PALS2: variants seen among roughly 807,000 people sequenced by gnomAD.
PALS2 encodes protein associated with LIN7 2, MAGUK p55 family member, also known as protein PALS2.
Under a neutral mutation model 61.6 loss-of-function variants are expected in PALS2, and 27 were observed. The ratio of observed to expected loss-of-function variants is 0.44; its 90% CI spans 0.32 to 0.60. The LOEUF is 0.60. Among genes scored for constraint, PALS2 ranks in the 20% least tolerant of loss-of-function variants. The pLI is 0.05. For synonymous variants in PALS2, 236 were observed against 218.6 expected (o/e 1.08, Z -0.70); for missense variants, 554 against 639.4 (o/e 0.87, Z 1.44).
At chr7:24,624,125 CT>C in intron 2 of PALS2, 3 of 1,308,472 alleles carry the variant, frequency 2.3e-6, no homozygotes, top group Non-Finnish European at 3.0e-6. Context: ...TGATTTTCTT[CT>C]TTTGCATTAG....
intron 5 of PALS2, among the ~76,000 whole-genome samples, chr7:24,652,559 A>T (rs1477222980): frequency 2.0e-5 from 3 of 152,024 alleles, no homozygotes; most frequent in Non-Finnish European, 4.4e-5. Flanking sequence ...CTATAACATG[A>T]AGGCTTCCAA....
chr7:24,637,894 A>T (rs1224158360), intron 2 of PALS2, among the ~76,000 whole-genome samples: 1 of 152,220 alleles, frequency 6.6e-6, no homozygotes, highest in East Asian at 1.9e-4. Flanking sequence ...TGTTCTTCCA[A>T]CCACTTGTGG....
chr7:24,685,594 A>G (rs925219258), intron 11 of PALS2, among the ~76,000 whole-genome samples: 1 of 151,432 alleles, frequency 6.6e-6, no homozygotes, highest in African/African-American at 2.4e-5. Flanking sequence ...AGCCAGAGAG[A>G]GAATCTTTAT....
chr7:24,636,549 G>A (rs563470073), intron 2 of PALS2, among the ~76,000 whole-genome samples: 28 of 152,130 alleles, frequency 1.8e-4, no homozygotes, highest in East Asian at 7.7e-4. Context: ...GCATCCCAAC[G>A]AAATAAATAT....
rs568870245 is a variant in PALS2, at chr7:24,624,905, TAC to T, written c.117+1123_117+1124del. Among the ~76,000 whole-genome samples, 6 of 152,242 alleles carry T rather than the reference TAC, an allele frequency of 3.9e-5. No individual in the cohort carries two copies. In the South Asian group the frequency reaches 1.2e-3, roughly 32 times the overall value. On this transcript the variant is annotated intron_variant, in intron 2 of 11. Transcript: ENST00000222644. ...ATAAGCCACCAGGCCCGGCCAATGATACAGAGTCTTCATTTTATTTACGTGTT... is the reference window on the plus strand; with the variant it reads ...ATAAGCCACCAGGCCCGGCCAATGATAGAGTCTTCATTTTATTTACGTGTT...
chr7:24,598,438 T>G (rs1230241315), intron 1 of PALS2, among the ~76,000 whole-genome samples: 5 of 152,162 alleles, frequency 3.3e-5, no homozygotes, highest in Non-Finnish European at 7.3e-5. Flanking sequence ...ATAGGGAAAT[T>G]TGCAGTGAGG....
intron 3 of PALS2, among the ~76,000 whole-genome samples, chr7:24,644,508 G>GTATA (rs556517064): frequency 6.0e-5 from 9 of 150,508 alleles, no homozygotes; most frequent in South Asian, 2.1e-4. Flanking sequence ...GTGTGTGTGT[G>GTATA]TATATATATA....
At chr7:24,599,239 T>G (rs1042343412) in intron 1 of PALS2, among the ~76,000 whole-genome samples, 1 of 152,168 alleles carries the variant, frequency 6.6e-6, no homozygotes, top group Non-Finnish European at 1.5e-5. Flanking sequence ...ACTTGTGGCT[T>G]ACCATGAATG....
At position 24,584,603 on chromosome 7, in the gene PALS2, T is replaced by G. The variant is rs867152427; in HGVS notation, c.-3+11010T>G. On this transcript the variant is annotated intron_variant, in intron 1 of 11. Coordinates refer to ENST00000222644, the MANE Select transcript of PALS2 (RefSeq NM_001303037.2). ...GTAGGTTGGGAAAATTTTCTCCCATTTTGTAGGTTGCCTGTTCACTCTGAT... is the reference window on the plus strand; with the variant it reads ...GTAGGTTGGGAAAATTTTCTCCCATGTTGTAGGTTGCCTGTTCACTCTGAT... Among the ~76,000 whole-genome samples the G allele has an allele frequency of 9.5e-3, 1,444 of 151,706 alleles. 21 individuals carry two copies. Among genetic ancestry groups the G allele is most frequent in the African/African-American group, 0.032 (1,306 of 41,216 alleles).
In PALS2 at chr7:24,643,474, C is replaced by T. The variant is rs193208459; in HGVS notation, c.270+1606C>T. Among the ~76,000 whole-genome samples, 61 of 152,190 alleles carry T rather than the reference C, an allele frequency of 4.0e-4. 1 individual carries two copies. The highest frequency in any genetic ancestry group is 3.4e-3 in the Middle Eastern group (1 of 294). ...TTTTTTACTAATTTGAGATTTTGCA[C>T]AAACTGTTTTAACTTACTCTTTTTT... is the stretch of plus-strand genomic sequence containing the variant. On this transcript the variant is annotated intron_variant, in intron 3 of 11. Coordinates refer to ENST00000222644, the MANE Select transcript of PALS2 (RefSeq NM_001303037.2).
intron 2 of PALS2, among the ~76,000 whole-genome samples, chr7:24,632,714 A>G (rs182121186): frequency 1.3e-5 from 2 of 151,098 alleles, no homozygotes; most frequent in Non-Finnish European, 3.0e-5. Context: ...GCTTTAGATC[A>G]CTGATGTTTC....
chr7:24,606,392 G>A (rs1412838859), intron 1 of PALS2, among the ~76,000 whole-genome samples: 1 of 152,052 alleles, frequency 6.6e-6, no homozygotes, highest in Admixed American at 6.6e-5. Flanking sequence ...TAGGTGATAG[G>A]AGAGGGCCTT....
At chr7:24,650,739 T>G in intron 5 of PALS2, 27 bp downstream of exon 5, 1 of 1,380,416 alleles carries the variant, frequency 7.2e-7, no homozygotes, top group Non-Finnish European at 9.9e-7. Flanking sequence ...TTGGTAGTAT[T>G]AAAAATACTT....
intron 4 of PALS2, among the ~76,000 whole-genome samples, 170 bp from the exon 5 acceptor site, chr7:24,650,315 T>C (rs1786073478): frequency 6.6e-6 from 1 of 152,160 alleles, no homozygotes; most frequent in Non-Finnish European, 1.5e-5. Context: ...TAATAAACTA[T>C]ACTAGTACAC....
At chr7:24,626,476 A>G (rs1320859360) in intron 2 of PALS2, among the ~76,000 whole-genome samples, 1 of 151,610 alleles carries the variant, frequency 6.6e-6, no homozygotes, top group African/African-American at 2.4e-5. Context: ...AATAATCAAA[A>G]TGGGCAAAAT....
At chr7:24,589,004 A>T (rs1304645663) in intron 1 of PALS2, 1 of 152,226 alleles carries the variant, frequency 6.6e-6, no homozygotes, top group Non-Finnish European at 1.5e-5. Flanking sequence ...ACTGTACAAT[A>T]AAAAGAGATG....
intron 1 of PALS2, among the ~76,000 whole-genome samples, chr7:24,617,393 G>A (rs1784331071): frequency 6.6e-6 from 1 of 151,864 alleles, no homozygotes; most frequent in Non-Finnish European, 1.5e-5. Flanking sequence ...CTAATAATTG[G>A]GATCTGTTAT....
intron 1 of PALS2, among the ~76,000 whole-genome samples, chr7:24,622,829 A>C (rs1339453594): frequency 6.6e-6 from 1 of 151,764 alleles, no homozygotes; most frequent in Non-Finnish European, 1.5e-5. Flanking sequence ...TTTTCATAGA[A>C]GCCTTTTATC....
chr7:24,663,681 TTCTTCAGATTGTA>T lies in PALS2; in HGVS notation c.744_756del (p.Leu249IlefsTer13). On this transcript the variant is annotated frameshift_variant, in exon 6 of 12. Coordinates refer to ENST00000222644, the MANE Select transcript of PALS2 (RefSeq NM_001303037.2). LOFTEE classifies it high-confidence loss of function. ...GGATTGAAGTTTTCCAAAGGAGAGA[TTCTTCAGATTGTA>T]AATAGAGAAGATCCAAATTGGTGGC... is the stretch of plus-strand genomic sequence containing the variant. The T allele has an allele frequency of 6.2e-7, 1 of 1,608,974 alleles. No homozygotes were observed. Among genetic ancestry groups the T allele is most frequent in the Non-Finnish European group, 8.5e-7 (1 of 1,175,884 alleles).
Sources: gnomAD v4.1 joint callset for allele counts (sites outside exome capture counted in the v4.1 genomes callset) on GRCh38, gnomAD v4.1.1 for gene constraint, MANE v1.5 for transcripts, NCBI Gene and HGNC (gene_info 2026-07-23, HGNC 2026-07-21) for gene names.